Variants in KCNB2 observed in about 807,000 individuals in gnomAD.
KCNB2 encodes potassium voltage-gated channel subfamily B member 2.
In KCNB2, 15 loss-of-function variants were observed where a neutral mutation model predicts 61.5. That is an observed-to-expected ratio of 0.24 (90% CI 0.16 to 0.38). The LOEUF (loss-of-function observed/expected upper bound fraction) is 0.38, where lower values mean the gene tolerates loss of function less well. Among genes scored for constraint, KCNB2 ranks in the 10% least tolerant of loss-of-function variants. The probability of loss-of-function intolerance (pLI) is 1.00; values close to 1 mark genes in which losing one functional copy is unlikely to be tolerated. For missense variants in KCNB2, 828 were observed against 1,125.2 expected, an observed-to-expected ratio of 0.74 and a Z score of 3.78; for synonymous variants, 457 against 446.0, an observed-to-expected ratio of 1.02 and a Z score of -0.31.
chr8:72,840,495 A>G (rs959398118), intron 2 of KCNB2, among the ~76,000 whole-genome samples: 2 of 152,230 alleles, frequency 1.3e-5, no homozygotes, highest in African/African-American at 4.8e-5. Context: ...TGTCTTCCAC[A>G]ATGGTTGAAC....
chr8:72,688,586 G>A (rs980461844), intron 2 of KCNB2, among the ~76,000 whole-genome samples: 5 of 151,782 alleles, frequency 3.3e-5, no homozygotes, highest in Non-Finnish European at 7.4e-5. Context: ...CAGAGACCAG[G>A]GCTCATTTTA....
chr8:72,903,973 C>T (rs1342733079), intron 2 of KCNB2, among the ~76,000 whole-genome samples: 2 of 152,098 alleles, frequency 1.3e-5, no homozygotes, highest in Admixed American at 6.6e-5. Flanking sequence ...TAACCACAGT[C>T]CAAAGCTGCC....
chr8:72,748,317 T>G (rs909195863), intron 2 of KCNB2, among the ~76,000 whole-genome samples: 1 of 152,146 alleles, frequency 6.6e-6, no homozygotes, highest in Non-Finnish European at 1.5e-5. Flanking sequence ...CTAAGATGAT[T>G]TTATGTCATT....
At chr8:72,776,204 G>A (rs1808647326) in intron 2 of KCNB2, among the ~76,000 whole-genome samples, 1 of 145,386 alleles carries the variant, frequency 6.9e-6, no homozygotes, top group Non-Finnish European at 1.5e-5. Context: ...TGAACAATGA[G>A]AACACTTGGA....
chr8:72,816,419 G>T (rs1480696939), intron 2 of KCNB2, among the ~76,000 whole-genome samples: 1 of 152,184 alleles, frequency 6.6e-6, no homozygotes, highest in Non-Finnish European at 1.5e-5. Context: ...TTCAGAGCAT[G>T]CTGAACAAAA....
intron 2 of KCNB2, among the ~76,000 whole-genome samples, chr8:72,788,622 CGT>C (rs1554532758): frequency 6.6e-6 from 1 of 151,898 alleles, no homozygotes; most frequent in Non-Finnish European, 1.5e-5. Flanking sequence ...AGAAATGACC[CGT>C]CATGAAGGAT....
intron 2 of KCNB2, among the ~76,000 whole-genome samples, chr8:72,628,889 T>C (rs538316073): frequency 5.9e-5 from 9 of 152,318 alleles, no homozygotes; most frequent in Non-Finnish European, 1.2e-4. Flanking sequence ...ATGCCTCCCT[T>C]CCTCCACATC....
chr8:72,740,280 T>C (rs576993447), intron 2 of KCNB2, among the ~76,000 whole-genome samples: 1 of 152,236 alleles, frequency 6.6e-6, no homozygotes, highest in South Asian at 2.1e-4. Flanking sequence ...AATGAGGTGA[T>C]CATTCCTGTA....
chr8:72,714,766 A>C (rs544273373), intron 2 of KCNB2, among the ~76,000 whole-genome samples: 4 of 152,320 alleles, frequency 2.6e-5, no homozygotes, highest in East Asian at 1.9e-4. Context: ...CAAGCAAAAT[A>C]ACCAGCTAAC....
intron 2 of KCNB2, among the ~76,000 whole-genome samples, chr8:72,760,627 A>T (rs998129774): frequency 6.6e-6 from 1 of 152,218 alleles, no homozygotes; most frequent in Non-Finnish European, 1.5e-5. Flanking sequence ...AATGAAATTT[A>T]AAAACTATTG....
chr8:72,784,305 GC>G (rs1414176710), intron 2 of KCNB2, among the ~76,000 whole-genome samples: 1 of 152,008 alleles, frequency 6.6e-6, no homozygotes, highest in Non-Finnish European at 1.5e-5. Context: ...TCTACTCTCT[GC>G]TTCTGTAAGC....
intron 2 of KCNB2, among the ~76,000 whole-genome samples, chr8:72,804,776 T>C (rs568795762): frequency 3.9e-5 from 6 of 152,224 alleles, no homozygotes; most frequent in Non-Finnish European, 8.8e-5. Flanking sequence ...ATTCGACTTA[T>C]ATGCTAACTG....
At chr8:72,592,580 T>C (rs77286036) in intron 2 of KCNB2, among the ~76,000 whole-genome samples, 1,877 of 152,230 alleles carry the variant, frequency 0.012, 34 homozygotes, top group African/African-American at 0.042. Flanking sequence ...ATGATATACA[T>C]TGGCTAGTGA....
chr8:72,599,969 A>G (rs556134585), intron 2 of KCNB2, among the ~76,000 whole-genome samples: 4 of 152,340 alleles, frequency 2.6e-5, no homozygotes, highest in Admixed American at 6.5e-5. Context: ...ATGTGGAGAA[A>G]TAGGAACACT....
At chr8:72,884,607 A>T (rs1805771737) in intron 2 of KCNB2, among the ~76,000 whole-genome samples, 1 of 152,158 alleles carries the variant, frequency 6.6e-6, no homozygotes. Context: ...TAAATCATTG[A>T]TCCCTCTGGA....
chr8:72,832,792 A>C (rs1444016083), intron 2 of KCNB2, among the ~76,000 whole-genome samples: 1 of 152,188 alleles, frequency 6.6e-6, no homozygotes, highest in Non-Finnish European at 1.5e-5. Context: ...CAACAGAGAG[A>C]AGGCCAAGTG....
Position 72,937,844 on chromosome 8 carries a change from GC to G in KCNB2, c.2492del (p.Pro831GlnfsTer15). ...GAREEKQVDS[S>X]PNCFADKPSD... ...AGGGAGGAGAAGCAGGTGGACTCCA[GC>G]CCAAATTGCTTTGCAGATAAGCCTA... is the stretch of plus-strand genomic sequence containing the variant. On this transcript the variant is annotated frameshift_variant, in exon 3 of 3. Coordinates refer to ENST00000523207, the MANE Select transcript of KCNB2 (RefSeq NM_004770.3). LOFTEE classifies it high-confidence loss of function. The G allele has an allele frequency of 6.2e-7, 1 of 1,614,054 alleles. No individual in the cohort carries two copies. The highest frequency in any genetic ancestry group is 8.5e-7 in the Non-Finnish European group (1 of 1,180,012).
At chr8:72,830,296 C>A (rs1809672737) in intron 2 of KCNB2, among the ~76,000 whole-genome samples, 1 of 149,580 alleles carries the variant, frequency 6.7e-6, no homozygotes, top group Non-Finnish European at 1.5e-5. Context: ...GAGAAGGAGA[C>A]CTCAGCTTTT....
At position 72,937,300 on chromosome 8, in the gene KCNB2, C is replaced by T. The variant is rs759866832; in HGVS notation, c.1945C>T (p.Pro649Ser). 6 of 1,613,850 alleles carry T rather than the reference C, an allele frequency of 3.7e-6. No individual in the cohort carries two copies. The highest frequency in any genetic ancestry group is 5.1e-6 in the Non-Finnish European group (6 of 1,179,958). The change falls in exon 3 of 3, where the codon CCC (proline) becomes TCC (serine). Residue 649 changes from proline (P) to serine (S), a missense_variant. Transcript: ENST00000523207. ...GTEEHQRARG[P>S]PFLTLSREKG... ...AGAAGAGCACCAAAGAGCTAGGGGC[C>T]CCCCGTTTCTAACTCTATCCAGAGA...
Sources: allele counts gnomAD v4.1 joint callset (sites outside exome capture counted in the v4.1 genomes callset), GRCh38; gene constraint gnomAD v4.1.1; transcripts MANE v1.5; gene names NCBI Gene and HGNC (gene_info 2026-07-23, HGNC 2026-07-21).